Variants in APRT observed in about 807,000 individuals in gnomAD.
APRT encodes the protein AMP diphosphorylase.
APRT carries 25 observed loss-of-function variants against 21.0 expected under a neutral mutation model. The observed-to-expected ratio is 1.19, with a 90% CI of 0.87 to 1.66. The LOEUF is 1.66. Among genes scored for constraint, APRT ranks in the 40% most tolerant of loss-of-function variants. The probability of loss-of-function intolerance (pLI) is 0.00; values close to 1 mark genes in which losing one functional copy is unlikely to be tolerated. For missense variants in APRT, 294 were observed against 232.7 expected, an observed-to-expected ratio of 1.26 and a Z score of -1.72; for synonymous variants, 153 against 109.0, an observed-to-expected ratio of 1.40 and a Z score of -2.52.
Position 88,811,833 on chromosome 16 carries a change from C to T in APRT, c.67G>A (p.Gly23Ser), listed in dbSNP as rs1909160016. Reference protein sequence around the residue: ...IRSFPDFPTPGVVFRDISPVL... With the variant: ...IRSFPDFPTPSVVFRDISPVL... ...CTGTGCGTGCACCTGAATACCACGC[C>T]TGGGGTGGGGAAGTCGGGGAAGCTG... is the stretch of plus-strand genomic sequence containing the variant. Residue 23 changes from glycine (G) to serine (S), a missense_variant, in exon 1 of 5, where the codon GGC (glycine) becomes AGC (serine). Coordinates refer to ENST00000378364, the MANE Select transcript of APRT (RefSeq NM_000485.3). The T allele has an allele frequency of 6.4e-7, 1 of 1,571,498 alleles. No homozygotes were observed. Among genetic ancestry groups the T allele is most frequent in the South Asian group, 1.2e-5 (1 of 85,736 alleles).
intron 2 of APRT, among the ~76,000 whole-genome samples, chr16:88,810,965 G>C (rs970094538): frequency 6.6e-6 from 1 of 152,184 alleles, no homozygotes; most frequent in Non-Finnish European, 1.5e-5. Context: ...CGGCCTGGCA[G>C]GAGGTCAGGG....
At position 88,809,846 on chromosome 16, in the gene APRT, G is replaced by C; in HGVS notation, c.401-6C>G. The C allele has an allele frequency of 6.2e-7, 1 of 1,610,696 alleles. No individual in the cohort carries two copies. Among genetic ancestry groups the C allele is most frequent in the South Asian group, 1.1e-5 (1 of 91,056 alleles). ...ACAGGCAGCGTTCATGGTTCCTGGG[G>C]ATGGGAGGGTGAGGTCCCCAGTTGG... On this transcript the variant is annotated splice_polypyrimidine_tract_variant and splice_region_variant and intron_variant, in intron 4 of 4. Coordinates refer to ENST00000378364, the MANE Select transcript of APRT (RefSeq NM_000485.3).
rs777362132 is a variant in APRT at position 88,811,893 on chromosome 16, C to T, written c.7G>A (p.Asp3Asn). The change falls in exon 1 of 5, where the codon GAC (aspartate) becomes AAC (asparagine). Residue 3 changes from aspartate to asparagine, a missense_variant. Asp to Asn is a conservative substitution (Grantham distance 23). Transcript: ENST00000378364. MADSELQLVEQRI... is the reference protein window; with the variant it reads MANSELQLVEQRI... ...TGCTCAACCAGCTGCAGCTCGGAGT[C>T]GGCCATGGCCGCGTGCGAAGAGCCA... The T allele has an allele frequency of 5.2e-6, 8 of 1,552,278 alleles. No homozygotes were observed. In the South Asian group the frequency reaches 9.5e-5, roughly 18 times the overall value.
Position 88,809,346 on chromosome 16 carries a change from G to C in APRT, c.*352C>G. 5 of 459,170 alleles carry C rather than the reference G, an allele frequency of 1.1e-5. No individual in the cohort carries two copies. The highest frequency in any genetic ancestry group is 8.3e-5 in the South Asian group (5 of 60,252). The allele number at this position is 459,170 out of a possible 1,614,324, so 28.4% of individuals were successfully genotyped here. ...GTGCCTGGAGGGTTCTAGCTCCTGA[G>C]GTGAGAACCAGGACAGGTTCTGCTG... On this transcript the variant is annotated 3_prime_UTR_variant, in exon 5 of 5. Transcript: ENST00000378364.
Position 88,811,853 on chromosome 16 carries a change from A to T in APRT, c.47T>A (p.Phe16Tyr), listed in dbSNP as rs760789463. ...CACGCCTGGGGTGGGGAAGTCGGGGAAGCTGCGGATCCGCTGCTCAACCAG... is the reference window on the plus strand; with the variant it reads ...CACGCCTGGGGTGGGGAAGTCGGGGTAGCTGCGGATCCGCTGCTCAACCAG... The part of the protein sequence containing the change: ...LQLVEQRIRS[F>Y]PDFPTPGVVF... The change falls in exon 1 of 5, where the codon TTC (phenylalanine) becomes TAC (tyrosine). Residue 16 changes from phenylalanine to tyrosine, a missense_variant. Transcript: ENST00000378364. 1.1e-5 allele frequency: 17 copies of T among 1,572,960 alleles called. No homozygotes were observed. In the South Asian group the frequency reaches 2.0e-4, roughly 18 times the overall value.
At chr16:88,811,723 G>A (rs1286286639) in intron 1 of APRT, 67 bp from the exon 2 acceptor site, 5 of 1,499,994 alleles carry the variant, frequency 3.3e-6, no homozygotes, top group Admixed American at 2.1e-5. Context: ...GGCGAAAGAC[G>A]AGGGTTCCCG....
At chr16:88,810,340 C>A in intron 3 of APRT, 83 bp downstream of exon 3, 1 of 1,581,108 alleles carries the variant, frequency 6.3e-7, no homozygotes, top group Non-Finnish European at 8.6e-7. Context: ...ACTTGACACG[C>A]CTGGGAAGGC....
At chr16:88,810,388 C>T in intron 3 of APRT, 35 bp downstream of exon 3, 1 of 1,608,780 alleles carries the variant, frequency 6.2e-7, no homozygotes, top group South Asian at 1.1e-5. Flanking sequence ...GGTGGCCTGG[C>T]CCTGCCCTTC....
intron 2 of APRT, chr16:88,811,229 C>T: frequency 2.0e-6 from 1 of 489,156 alleles, no homozygotes; most frequent in Non-Finnish European, 3.6e-6. Flanking sequence ...TCAATACCAG[C>T]TCGCAGAAGG....
chr16:88,809,564 C>A lies in APRT; in HGVS notation c.*134G>T. On this transcript the variant is annotated 3_prime_UTR_variant, in exon 5 of 5. Coordinates refer to ENST00000378364, the MANE Select transcript of APRT (RefSeq NM_000485.3). ...TGCCCCAGGCTTTGGCACTTCCAGC[C>A]CCAGGAGAGGCGCTGAACCCCAGCA... 4 of 1,415,394 alleles carry A rather than the reference C, an allele frequency of 2.8e-6. No homozygotes were observed. The highest frequency in any genetic ancestry group is 3.9e-6 in the Non-Finnish European group (4 of 1,016,708). 87.7% of individuals were successfully genotyped at this position (1,415,394 alleles called of 1,614,324 possible).
rs895364227 is a variant in APRT, at chr16:88,809,561, A to G, written c.*137T>C. On this transcript the variant is annotated 3_prime_UTR_variant, in exon 5 of 5. Transcript: ENST00000378364. ...CTTTGCCCCAGGCTTTGGCACTTCC[A>G]GCCCCAGGAGAGGCGCTGAACCCCA... 5 of 1,401,742 alleles carry G rather than the reference A, an allele frequency of 3.6e-6. No homozygotes were observed. The African/African-American group carries it at 5.7e-5, about 16-fold the overall frequency. 86.8% of individuals were successfully genotyped at this position (1,401,742 alleles called of 1,614,324 possible). A position where few individuals can be genotyped will look rare whatever the true frequency, so the allele number is the denominator to read the frequency against.
At position 88,811,603 on chromosome 16, in the gene APRT, A is replaced by G; in HGVS notation, c.134T>C (p.Leu45Pro). The change falls in exon 2 of 5, where the codon CTC becomes CCC. Residue 45 changes from leucine to proline, a missense_variant. By Grantham distance (98) the Leu-to-Pro change is moderately conservative. Coordinates refer to ENST00000378364, the MANE Select transcript of APRT (RefSeq NM_000485.3). ...DPASFRAAIG[L>P]LARHLKATHG... ...GGTCGCCTTCAGGTGTCGCGCCAGG[A>G]GGCCGATGGCGGCGCGGAAGGAGGC... 1 of 1,604,704 alleles carries G rather than the reference A, an allele frequency of 6.2e-7. No homozygotes were observed. The highest frequency in any genetic ancestry group is 8.5e-7 in the Non-Finnish European group (1 of 1,176,424).
intron 2 of APRT, chr16:88,811,040 C>T (rs1812349091): frequency 3.6e-6 from 1 of 277,272 alleles, no homozygotes; most frequent in Non-Finnish European, 6.9e-6. Context: ...AGAGCTGGCG[C>T]TTTCCTCAGG....
In APRT at chr16:88,810,411, C is replaced by T. The variant is rs757760484; in HGVS notation, c.321+12G>A. ...GGCCCTGCCCTTCCTCTGGCCACCC[C>T]AGCCCTCTTACCTTCCCGTACTCCA... On this transcript the variant is annotated intron_variant, in intron 3 of 4. Coordinates refer to ENST00000378364, the MANE Select transcript of APRT (RefSeq NM_000485.3). 1.2e-6 allele frequency: 2 copies of T among 1,611,246 alleles called. No homozygotes were observed. The highest frequency in any genetic ancestry group is 1.3e-5 in the African/African-American group (1 of 75,050).
Position 88,810,062 on chromosome 16 carries a change from A to G in APRT, c.400+8T>C. 6.2e-7 allele frequency: 1 copy of G among 1,612,816 alleles called. No homozygotes were observed. The highest frequency in any genetic ancestry group is 8.5e-7 in the Non-Finnish European group (1 of 1,179,954). On this transcript the variant is annotated splice_region_variant and intron_variant, in intron 4 of 4. Transcript: ENST00000378364. The stretch of plus-strand genomic sequence containing the variant: ...AGCCACAGCAGTTGGCTGCGGGGAG[A>G]CCCTTACCACCAGTGGCCAGCAGAT...
Position 88,811,162 on chromosome 16 carries a change from T to G in APRT, c.187+388A>C, listed in dbSNP as rs1909120378. 2.8e-5 allele frequency: 12 copies of G among 426,104 alleles called. No homozygotes were observed. The East Asian group carries it at 4.6e-4, about 16-fold the overall frequency. 26.4% of individuals were successfully genotyped at this position (426,104 alleles called of 1,614,324 possible). ...CTCCCGGAGGCCTCCAGGCCTCCCT[T>G]CCCTGGGTGGGCATTCCGTGATCTT... is the stretch of plus-strand genomic sequence containing the variant. On this transcript the variant is annotated intron_variant, in intron 2 of 4. Coordinates refer to ENST00000378364, the MANE Select transcript of APRT (RefSeq NM_000485.3).
chr16:88,811,907 T>A lies in APRT; in HGVS notation c.-8A>T, dbSNP rs371641686. 8 of 1,545,012 alleles carry A rather than the reference T, an allele frequency of 5.2e-6. No individual in the cohort carries two copies. In the South Asian group the frequency reaches 8.4e-5, roughly 16 times the overall value. On this transcript the variant is annotated 5_prime_UTR_variant, in exon 1 of 5. Coordinates refer to ENST00000378364, the MANE Select transcript of APRT (RefSeq NM_000485.3). ...CAGCTCGGAGTCGGCCATGGCCGCG[T>A]GCGAAGAGCCAGCGGCAGCCCGAGC...
chr16:88,809,921 G>C, intron 4 of APRT, 81 bp from the exon 5 acceptor site: 1 of 1,585,066 alleles, frequency 6.3e-7, no homozygotes, highest in Non-Finnish European at 8.6e-7. Context: ...GGTTGGGGAG[G>C]GGAAGGCATG....
chr16:88,809,912 G>C (rs1909046476), intron 4 of APRT, 72 bp from the exon 5 acceptor site: 1 of 1,590,980 alleles, frequency 6.3e-7, no homozygotes, highest in African/African-American at 1.3e-5. Flanking sequence ...CAGCCCCTGG[G>C]TTGGGGAGGG....
Sources: gnomAD v4.1 joint callset for allele counts (sites outside exome capture counted in the v4.1 genomes callset) on GRCh38, gnomAD v4.1.1 for gene constraint, MANE v1.5 for transcripts, NCBI Gene and HGNC (gene_info 2026-07-23, HGNC 2026-07-21) for gene names.